The following IRAK4 variants were observed in gnomAD, a reference collection of about 807,000 sequenced individuals.
The protein encoded by IRAK4 is interleukin-1 receptor-associated kinase 4.
In IRAK4, 44 loss-of-function variants were observed where a neutral mutation model predicts 51.8. The ratio of observed to expected loss-of-function variants is 0.85; its 90% CI spans 0.67 to 1.09. The LOEUF is 1.09. Ranked by LOEUF, IRAK4 falls within the 50% of genes least tolerant of loss-of-function variation. The pLI is 0.00. For synonymous variants in IRAK4, 149 were observed against 174.1 expected (o/e 0.86, Z 1.13); for missense variants, 487 against 538.0 (o/e 0.91, Z 0.94).
In IRAK4 at chr12:43,783,127, T is replaced by A. The variant is rs992597729; in HGVS notation, c.1126-535T>A. Reference sequence around the variant, plus strand: ...GCCAATAGAAAAGAGCTGCTTATGGTCATGTTGGGGTCCAAGATGTCCCTG... The same window carrying A: ...GCCAATAGAAAAGAGCTGCTTATGGACATGTTGGGGTCCAAGATGTCCCTG... On this transcript the variant is annotated intron_variant, in intron 9 of 11. Transcript: ENST00000613694. Among the ~76,000 whole-genome samples the A allele has an allele frequency of 5.9e-5, 9 of 152,108 alleles. 1 individual carries two copies. The highest frequency in any genetic ancestry group is 2.0e-4 in the Admixed American group (3 of 15,274).
chr12:43,760,623 C>T (rs1303183438), intron 1 of IRAK4, among the ~76,000 whole-genome samples: 2 of 152,234 alleles, frequency 1.3e-5, no homozygotes, highest in Non-Finnish European at 2.9e-5. Flanking sequence ...TTTGCATTTA[C>T]ATTTCGTTTT....
chr12:43,760,420 C>T (rs1335756583), intron 1 of IRAK4, among the ~76,000 whole-genome samples: 1 of 152,214 alleles, frequency 6.6e-6, no homozygotes, highest in Non-Finnish European at 1.5e-5. Context: ...GACATGAGTA[C>T]AGAGCATGTC....
intron 9 of IRAK4, among the ~76,000 whole-genome samples, chr12:43,782,868 A>G (rs1057238929): frequency 1.3e-5 from 2 of 152,232 alleles, no homozygotes; most frequent in Non-Finnish European, 2.9e-5. Flanking sequence ...GGGTGGTTGA[A>G]GAAGCCGGGG....
chr12:43,764,823 A>G (rs1939949746), intron 1 of IRAK4, among the ~76,000 whole-genome samples: 1 of 152,232 alleles, frequency 6.6e-6, no homozygotes, highest in Admixed American at 6.5e-5. Context: ...GCTTTAGTTT[A>G]GAAACACTTA....
At chr12:43,760,860 C>G (rs1407534915) in intron 1 of IRAK4, 3 of 152,120 alleles carry the variant, frequency 2.0e-5, no homozygotes, top group African/African-American at 7.2e-5. Context: ...ATATAAACTC[C>G]ATGAATTCAG....
chr12:43,774,254 A>T (rs952613931), intron 6 of IRAK4, among the ~76,000 whole-genome samples: 8 of 151,916 alleles, frequency 5.3e-5, no homozygotes, highest in South Asian at 2.1e-4. Flanking sequence ...TTATTTATTT[A>T]TTTTTTTTGA....
intron 2 of IRAK4, among the ~76,000 whole-genome samples, chr12:43,768,764 A>G (rs920683591): frequency 3.3e-5 from 5 of 152,210 alleles, no homozygotes; most frequent in African/African-American, 9.6e-5. Flanking sequence ...AATCTTAGCT[A>G]GGATTTCTCA....
At chr12:43,777,921 C>T (rs1241062144) in intron 7 of IRAK4, among the ~76,000 whole-genome samples, 177 bp downstream of exon 7, 2 of 152,052 alleles carry the variant, frequency 1.3e-5, no homozygotes, top group Non-Finnish European at 2.9e-5. Flanking sequence ...AACTGGGTTG[C>T]CATTTTATTA....
chr12:43,774,059 T>C, intron 6 of IRAK4, 30 bp downstream of exon 6: 2 of 1,548,454 alleles, frequency 1.3e-6, no homozygotes. Flanking sequence ...TGCGGTGTAG[T>C]GGAAAGAAAA....
At chr12:43,759,524 G>C (rs1313069937) in intron 1 of IRAK4, 1 of 152,256 alleles carries the variant, frequency 6.6e-6, no homozygotes, top group African/African-American at 2.4e-5. Context: ...TCGCAGATGG[G>C]GGAAAAAAGT....
At chr12:43,770,822 T>C (rs965945510) in intron 2 of IRAK4, among the ~76,000 whole-genome samples, 3 of 152,228 alleles carry the variant, frequency 2.0e-5, no homozygotes, top group Non-Finnish European at 4.4e-5. Context: ...ACAGGGTTGA[T>C]AGGTGGGACC....
chr12:43,785,413 G>A (rs759422597), intron 10 of IRAK4, among the ~76,000 whole-genome samples: 58 of 151,854 alleles, frequency 3.8e-4, no homozygotes, highest in Non-Finnish European at 6.8e-4. Context: ...GTTGGGTACA[G>A]GGAGGAGGAG....
rs4251454 is a variant in IRAK4, at chr12:43,767,254, G to A, written c.-9-849G>A. 2.1e-3 allele frequency among the ~76,000 whole-genome samples: 326 copies of A among 152,298 alleles called. 1 individual carries two copies. Among genetic ancestry groups the A allele is most frequent in the African/African-American group, 7.4e-3 (306 of 41,566 alleles). Reference sequence around the variant, plus strand: ...TAAAATCCACATAGAAAGAAGTAAAGGTATGAAATAGTCACTAAGGACTAT... The same window carrying A: ...TAAAATCCACATAGAAAGAAGTAAAAGTATGAAATAGTCACTAAGGACTAT... On this transcript the variant is annotated intron_variant, in intron 1 of 11. Coordinates refer to ENST00000613694, the MANE Select transcript of IRAK4 (RefSeq NM_016123.4).
chr12:43,767,829 T>G (rs1400449588), intron 1 of IRAK4, among the ~76,000 whole-genome samples: 1 of 152,178 alleles, frequency 6.6e-6, no homozygotes, highest in East Asian at 1.9e-4. Flanking sequence ...CTATAAATTT[T>G]ACTAGGAAAA....
chr12:43,777,358 C>T (rs1413556825), intron 6 of IRAK4, among the ~76,000 whole-genome samples: 1 of 152,114 alleles, frequency 6.6e-6, no homozygotes, highest in Non-Finnish European at 1.5e-5. Context: ...CACTGCACTC[C>T]AGCCTGGGCA....
intron 1 of IRAK4, among the ~76,000 whole-genome samples, chr12:43,764,066 A>G (rs4251439): frequency 0.015 from 2,322 of 152,276 alleles, 69 homozygotes; most frequent in African/African-American, 0.052. Flanking sequence ...ATATGTGTAT[A>G]TGCTCTTAAT....
intron 9 of IRAK4, 53 bp from the exon 10 acceptor site, chr12:43,783,609 C>A: frequency 8.6e-7 from 1 of 1,165,438 alleles, no homozygotes; most frequent in Non-Finnish European, 1.3e-6. Flanking sequence ...GCGTTAGCCA[C>A]TGTGCCCAGC....
At chr12:43,770,136 T>C (rs1431840565) in intron 2 of IRAK4, among the ~76,000 whole-genome samples, 1 of 152,186 alleles carries the variant, frequency 6.6e-6, no homozygotes, top group East Asian at 1.9e-4. Context: ...GAAACAATAT[T>C]GGTTAAATTT....
Position 43,786,988 on chromosome 12 carries a change from G to A in IRAK4, c.*273G>A. ...ACCAAACACAGTTTGAAAATTACAG[G>A]GTTAGCAAAAAGAGCCTGGGCTGTA... On this transcript the variant is annotated 3_prime_UTR_variant, in exon 12 of 12. Transcript: ENST00000613694. The A allele has an allele frequency of 2.1e-6, 1 of 465,390 alleles. No individual in the cohort carries two copies. The highest frequency in any genetic ancestry group is 2.7e-5 in the South Asian group (1 of 36,492). 28.8% of individuals were successfully genotyped at this position (465,390 alleles called of 1,614,324 possible).
Sources: gnomAD v4.1 joint callset for allele counts (sites outside exome capture counted in the v4.1 genomes callset) on GRCh38, gnomAD v4.1.1 for gene constraint, MANE v1.5 for transcripts, NCBI Gene and HGNC (gene_info 2026-07-23, HGNC 2026-07-21) for gene names.